The following SYT14 variants were observed in gnomAD, a reference collection of about 807,000 sequenced individuals.
SYT14 encodes synaptotagmin-14.
A neutral mutation model predicts 74.2 loss-of-function variants in SYT14; 32 were observed. The observed-to-expected ratio is 0.43, with a 90% confidence interval of 0.33 to 0.58. SYT14 has a LOEUF of 0.58. Among genes scored for constraint, SYT14 ranks in the 20% least tolerant of loss-of-function variants. The pLI, the probability that SYT14 is intolerant of heterozygous loss-of-function variation, is 0.05. For missense variants in SYT14, 791 were observed against 981.8 expected, an observed-to-expected ratio of 0.81 and a Z score of 2.60; for synonymous variants, 298 against 337.7, an observed-to-expected ratio of 0.88 and a Z score of 1.29.
intron 5 of SYT14, among the ~76,000 whole-genome samples, chr1:210,028,331 T>C (rs532346568): frequency 6.6e-6 from 1 of 152,314 alleles, no homozygotes; most frequent in South Asian, 2.1e-4. Flanking sequence ...TGCAGCTCAA[T>C]AGTTTTCAAT....
intron 2 of SYT14, among the ~76,000 whole-genome samples, chr1:209,958,631 G>A (rs931117827): frequency 4.6e-5 from 7 of 151,820 alleles, no homozygotes; most frequent in African/African-American, 4.8e-5. Context: ...ATTTTTTGTT[G>A]CTATACTAAA....
chr1:210,085,026 CTAGAA>C (rs2102492892), intron 5 of SYT14, among the ~76,000 whole-genome samples: 2 of 152,274 alleles, frequency 1.3e-5, no homozygotes, highest in African/African-American at 4.8e-5. Flanking sequence ...CAGGCACTGC[CTAGAA>C]TGCCAAAGTT....
chr1:210,136,219 T>G (rs1003065484), intron 7 of SYT14, among the ~76,000 whole-genome samples: 1 of 152,018 alleles, frequency 6.6e-6, no homozygotes, highest in Non-Finnish European at 1.5e-5. Context: ...TTTGTAGATA[T>G]TTTCACAGGA....
rs1019407940 is a variant in SYT14 at position 210,136,443 on chromosome 1, A to T, written c.2035-19278A>T. 5.9e-5 allele frequency among the ~76,000 whole-genome samples: 9 copies of T among 152,164 alleles called. No homozygotes were observed. In the East Asian group the frequency reaches 1.5e-3, roughly 26 times the overall value. ...AAATTTACCCGAGAAGTATAACTAG[A>T]TTGTAAGTATAGCCAGATGATGGCC... On this transcript the variant is annotated intron_variant, in intron 7 of 9. Transcript: ENST00000637265.
At chr1:210,134,996 T>C (rs949579452) in intron 7 of SYT14, among the ~76,000 whole-genome samples, 6 of 152,004 alleles carry the variant, frequency 3.9e-5, no homozygotes, top group African/African-American at 1.5e-4. Context: ...TTTTTTTTTT[T>C]CAAAAACAGA....
chr1:209,964,748 A>G (rs950936474), intron 2 of SYT14, among the ~76,000 whole-genome samples: 3 of 152,170 alleles, frequency 2.0e-5, no homozygotes, highest in African/African-American at 2.4e-5. Flanking sequence ...AGGAAAGTCC[A>G]TTAGAGACTC....
At chr1:209,974,587 C>T (rs1292129782) in intron 2 of SYT14, among the ~76,000 whole-genome samples, 1 of 152,134 alleles carries the variant, frequency 6.6e-6, no homozygotes, top group African/African-American at 2.4e-5. Flanking sequence ...GTTGTGGTAC[C>T]AGTACCATGC....
rs573892984 is a variant in SYT14, at chr1:210,122,221, G to A, written c.2034+21760G>A. Among the ~76,000 whole-genome samples, 4 of 19,044 alleles carry A rather than the reference G, an allele frequency of 2.1e-4. 2 individuals carry two copies. Among genetic ancestry groups the A allele is most frequent in the African/African-American group, 1.2e-3 (2 of 1,626 alleles). 12.5% of individuals were successfully genotyped at this position (19,044 alleles called of 152,430 possible). ...TCTCGATCTCCTGACCTCGTGATCC[G>A]CCCGCCTCGGCCTCCCAAAGTGCTG... On this transcript the variant is annotated intron_variant, in intron 7 of 9. Coordinates refer to ENST00000637265, the Ensembl canonical transcript of SYT14.
At chr1:210,154,932 C>T (rs993964577) in intron 7 of SYT14, among the ~76,000 whole-genome samples, 1 of 152,142 alleles carries the variant, frequency 6.6e-6, no homozygotes, top group Non-Finnish European at 1.5e-5. Flanking sequence ...TCTTCTACAT[C>T]CTTATGGTAC....
At chr1:209,941,294 A>T (rs143279776) in intron 1 of SYT14, among the ~76,000 whole-genome samples, 8 of 152,352 alleles carry the variant, frequency 5.3e-5, no homozygotes, top group South Asian at 2.1e-4. Context: ...AGCTAACATA[A>T]TTCCAGTCAG....
At chr1:210,131,116 A>G (rs908306062) in intron 7 of SYT14, among the ~76,000 whole-genome samples, 9 of 152,206 alleles carry the variant, frequency 5.9e-5, no homozygotes, top group Admixed American at 2.0e-4. Flanking sequence ...TTTAATTCAT[A>G]TGAAGTGGTT....
chr1:209,944,421 A>G (rs1159196820), intron 1 of SYT14, among the ~76,000 whole-genome samples: 2 of 152,208 alleles, frequency 1.3e-5, no homozygotes, highest in African/African-American at 2.4e-5. Context: ...CTTAGAAAAG[A>G]CTATTGAATA....
intron 5 of SYT14, among the ~76,000 whole-genome samples, chr1:210,084,580 G>T (rs1040387470): frequency 1.3e-5 from 2 of 152,194 alleles, no homozygotes; most frequent in Admixed American, 6.5e-5. Context: ...AGGCAGCCAA[G>T]GTTTCTGCAG....
At chr1:210,163,146 T>G (rs1453456569) in exon 10 of SYT14, 1 of 453,372 alleles carries the variant, frequency 2.2e-6, no homozygotes. Flanking sequence ...ATAAAAAGAG[T>G]TATCAGTCTT....
At chr1:209,948,122 T>C (rs1241056030) in intron 1 of SYT14, among the ~76,000 whole-genome samples, 4 of 152,240 alleles carry the variant, frequency 2.6e-5, no homozygotes, top group Non-Finnish European at 4.4e-5. Flanking sequence ...TATTGCGATA[T>C]ACACTTTATT....
intron 2 of SYT14, among the ~76,000 whole-genome samples, chr1:209,981,182 T>A (rs1034278604): frequency 4.6e-5 from 7 of 152,120 alleles, no homozygotes; most frequent in African/African-American, 1.4e-4. Flanking sequence ...TTTTGCTTTG[T>A]AGTTTTTATT....
chr1:210,164,107 A>G (rs921215117), exon 10 of SYT14: 7 of 450,864 alleles, frequency 1.6e-5, no homozygotes, highest in African/African-American at 1.4e-4. Context: ...ATGTCAAATC[A>G]GTAAAGAATT....
intron 5 of SYT14, among the ~76,000 whole-genome samples, chr1:210,070,280 C>A (rs1332674059): frequency 6.6e-6 from 1 of 152,066 alleles, no homozygotes; most frequent in African/African-American, 2.4e-5. Flanking sequence ...AGTATCTAGA[C>A]TTTCAAGAAA....
chr1:210,040,136 T>C (rs1442695824), intron 5 of SYT14, among the ~76,000 whole-genome samples: 16 of 152,254 alleles, frequency 1.1e-4, no homozygotes, highest in Non-Finnish European at 2.9e-5. Flanking sequence ...CCACCAATGA[T>C]AGACTGGGTT....
Sources: allele counts gnomAD v4.1 joint callset (sites outside exome capture counted in the v4.1 genomes callset), GRCh38; gene constraint gnomAD v4.1.1; transcripts MANE v1.5; gene names NCBI Gene and HGNC (gene_info 2026-07-23, HGNC 2026-07-21).